DNAH5: variants seen among roughly 807,000 people sequenced by gnomAD.
The protein encoded by DNAH5 is dynein axonemal heavy chain 5, also known as axonemal beta dynein heavy chain 5.
DNAH5 carries 372 observed loss-of-function variants against 518.2 expected under a neutral mutation model. The observed-to-expected ratio is 0.72, with a 90% CI of 0.66 to 0.78. The LOEUF (loss-of-function observed/expected upper bound fraction) is 0.78, where lower values mean the gene tolerates loss of function less well. DNAH5 is among the 30% of genes least tolerant of loss of function. The probability of loss-of-function intolerance (pLI) is 0.00; values close to 1 mark genes in which losing one functional copy is unlikely to be tolerated. For missense variants in DNAH5, 5,523 were observed against 5,687.0 expected (o/e 0.97, Z 0.93); for synonymous variants, 2,039 against 2,025.9 (o/e 1.01, Z -0.17).
intron 49 of DNAH5, 70 bp from the exon 50 acceptor site, chr5:13,792,287 T>C (rs1757123817): frequency 2.9e-6 from 4 of 1,367,620 alleles, no homozygotes; most frequent in East Asian, 2.3e-5. Flanking sequence ...AAAAGCATTA[T>C]AGCATAGGGT....
At chr5:13,768,302 A>T (rs546195854) in intron 58 of DNAH5, among the ~76,000 whole-genome samples, 27 of 152,038 alleles carry the variant, frequency 1.8e-4, no homozygotes, top group African/African-American at 6.5e-4. Flanking sequence ...GTTTCCCCTG[A>T]TCTCTCTCCC....
Position 13,780,957 on chromosome 5 carries a change from G to T in DNAH5, c.8823C>A (p.Ile2941=), listed in dbSNP as rs780034079. The change falls in exon 53 of 79, where the codon ATC becomes ATA. Residue 2941 remains isoleucine, a splice_region_variant and synonymous_variant. Coordinates refer to ENST00000265104, the MANE Select transcript of DNAH5 (RefSeq NM_001369.3). ...CCTGAGGAGTACGAATGACACGAGA[G>T]ATCTGTAATATGGAACAGAAAAAGT... The part of the protein sequence containing the change: ...FADAMVHLVK[I]SRVIRTPQGN... 4.3e-6 allele frequency: 7 copies of T among 1,613,432 alleles called. No homozygotes were observed. In the South Asian group the frequency reaches 5.5e-5, roughly 13 times the overall value.
At chr5:13,995,055 T>C (rs563892390) in intron 1 of DNAH5, among the ~76,000 whole-genome samples, 1 of 152,302 alleles carries the variant, frequency 6.6e-6, no homozygotes, top group East Asian at 1.9e-4. Flanking sequence ...ACACACCACA[T>C]TGACCCTTCC....
In DNAH5 at chr5:13,729,478, T is replaced by C. The variant is rs1746203222; in HGVS notation, c.11844A>G (p.Glu3948=). The change falls in exon 69 of 79, where the codon GAA becomes GAG. Residue 3948 remains glutamate (E), a synonymous_variant. Transcript: ENST00000265104. ...ILDITWLNLV[E]LSKLRQFSDV... ...CTGAAAACTGTCTGAGTTTGCTAAG[T>C]TCCACCAAATTCAGCCATGTTATGT... 1 of 1,613,954 alleles carries C rather than the reference T, an allele frequency of 6.2e-7. No individual in the cohort carries two copies. The highest frequency in any genetic ancestry group is 1.3e-5 in the African/African-American group (1 of 74,950).
At chr5:13,951,686 T>C (rs1393636581) in intron 1 of DNAH5, among the ~76,000 whole-genome samples, 1 of 152,320 alleles carries the variant, frequency 6.6e-6, no homozygotes, top group East Asian at 1.9e-4. Context: ...TGCACCCTCC[T>C]GTGCTTGCTC....
In DNAH5 at chr5:13,845,296, CAGATAAAAACACTATGTAGAGAGTA is replaced by C. The variant is rs148297154; in HGVS notation, c.5115-328_5115-304del. On this transcript the variant is annotated intron_variant, in intron 31 of 78. Coordinates refer to ENST00000265104, the MANE Select transcript of DNAH5 (RefSeq NM_001369.3). ...ATCTTGTATATACTAGGTAGAGAGT[CAGATAAAAACACTATGTAGAGAGTA>C]AGATAAAAACACTATGTAGAGAGTA... is the stretch of plus-strand genomic sequence containing the variant. Among the ~76,000 whole-genome samples, 8 of 58,640 alleles carry C rather than the reference CAGATAAAAACACTATGTAGAGAGTA, an allele frequency of 1.4e-4. No individual in the cohort carries two copies. In the East Asian group the frequency reaches 5.2e-3, roughly 38 times the overall value. The allele number at this position is 58,640 out of a possible 152,430, so 38.5% of individuals were successfully genotyped here.
chr5:13,750,320 CA>C (rs1387133337), intron 65 of DNAH5, among the ~76,000 whole-genome samples: 1 of 152,162 alleles, frequency 6.6e-6, no homozygotes, highest in African/African-American at 2.4e-5. Context: ...GCAGTTTCAC[CA>C]TAACATTCCC....
intron 1 of DNAH5, among the ~76,000 whole-genome samples, chr5:13,966,826 C>T (rs1404933432): frequency 6.6e-6 from 1 of 152,098 alleles, no homozygotes. Flanking sequence ...CTGATTATTT[C>T]TTTTGCTATG....
intron 46 of DNAH5, among the ~76,000 whole-genome samples, chr5:13,808,497 C>A (rs1012931993): frequency 3.9e-5 from 6 of 152,116 alleles, no homozygotes; most frequent in African/African-American, 4.8e-5. Flanking sequence ...TGGGGAAAAG[C>A]AAGTCAAAAT....
At chr5:13,830,520 A>G (rs1416661726) in intron 36 of DNAH5, 77 bp downstream of exon 36, 14 of 1,540,150 alleles carry the variant, frequency 9.1e-6, no homozygotes, top group Non-Finnish European at 1.2e-5. Flanking sequence ...AATGTGGCCA[A>G]TTGTTGAAAA....
At chr5:13,828,800 A>C (rs1485376367) in intron 38 of DNAH5, among the ~76,000 whole-genome samples, 4 of 152,196 alleles carry the variant, frequency 2.6e-5, no homozygotes, top group Non-Finnish European at 4.4e-5. Context: ...TCAGAAGTAG[A>C]TTGTCCCCAT....
chr5:13,882,980 G>A lies in DNAH5; in HGVS notation c.3098C>T (p.Thr1033Ile). 1 of 1,614,120 alleles carries A rather than the reference G, an allele frequency of 6.2e-7. No individual in the cohort carries two copies. The highest frequency in any genetic ancestry group is 8.5e-7 in the Non-Finnish European group (1 of 1,180,022). The stretch of plus-strand genomic sequence containing the variant: ...GATGCACTCCACGGCTTTGTTCAGG[G>A]TCTGCTGTACATCTTCCAGGGCAGG... ...MAPALEDVQQTLNKAVECIIS... is the reference protein window; with the variant it reads ...MAPALEDVQQILNKAVECIIS... Residue 1033 changes from threonine (T) to isoleucine (I), a missense_variant, in exon 20 of 79, where the codon ACC (threonine) becomes ATC (isoleucine). Coordinates refer to ENST00000265104, the MANE Select transcript of DNAH5 (RefSeq NM_001369.3).
chr5:13,966,854 G>A (rs541914416), intron 1 of DNAH5, among the ~76,000 whole-genome samples: 2 of 152,060 alleles, frequency 1.3e-5, no homozygotes, highest in African/African-American at 4.8e-5. Context: ...ATTGTTTTTT[G>A]TTTTTTGCTT....
chr5:13,947,181 A>G (rs890994589), upstream of DNAH5, among the ~76,000 whole-genome samples: 1 of 152,228 alleles, frequency 6.6e-6, no homozygotes, highest in African/African-American at 2.4e-5. Flanking sequence ...TGTCATTTTA[A>G]AAGAAAATAA....
intron 1 of DNAH5, among the ~76,000 whole-genome samples, chr5:14,002,016 A>G (rs908953139): frequency 6.6e-6 from 1 of 151,908 alleles, no homozygotes; most frequent in Admixed American, 6.6e-5. Context: ...ATCCTGCCGC[A>G]GCCTCCTGAG....
chr5:13,836,840 G>A (rs1160378905), intron 35 of DNAH5, among the ~76,000 whole-genome samples: 3 of 152,220 alleles, frequency 2.0e-5, no homozygotes, highest in Non-Finnish European at 4.4e-5. Flanking sequence ...AAGCAGAAGA[G>A]ATAGGTAGAA....
chr5:13,798,738 TA>T lies in DNAH5; in HGVS notation c.7888-4681del, dbSNP rs1409232237. ...TGTACATTTTCATCATGATTTTATTTATTTTATTTATTTATTTATTTATTTA... is the reference window on the plus strand; with the variant it reads ...TGTACATTTTCATCATGATTTTATTTTTTTATTTATTTATTTATTTATTTA... On this transcript the variant is annotated intron_variant, in intron 47 of 78. Transcript: ENST00000265104. 1.5e-3 allele frequency among the ~76,000 whole-genome samples: 93 copies of T among 63,196 alleles called. 1 individual carries two copies. Among genetic ancestry groups the T allele is most frequent in the African/African-American group, 4.6e-3 (75 of 16,184 alleles). The allele number at this position is 63,196 out of a possible 152,430, so 41.5% of individuals were successfully genotyped here. A position where few individuals can be genotyped will look rare whatever the true frequency, so the allele number is the denominator to read the frequency against.
Position 13,885,990 on chromosome 5 carries a change from C to G in DNAH5, c.2717G>C (p.Ser906Thr), listed in dbSNP as rs540038644. 4.5e-5 allele frequency: 72 copies of G among 1,612,718 alleles called. No individual in the cohort carries two copies. In the South Asian group the frequency reaches 6.6e-4, roughly 15 times the overall value. Reference sequence around the variant, plus strand: ...TGAACTTTCATTTTTGTAATTAACACTATTCTCATTGGATATTTTTTCACT... The same window carrying G: ...TGAACTTTCATTTTTGTAATTAACAGTATTCTCATTGGATATTTTTTCACT... ...EESEKISNEN[S>T]VNYKNESSAK... Residue 906 changes from serine (S) to threonine (T), a missense_variant, in exon 18 of 79, where the codon AGT becomes ACT. Around this residue, in one of 3 missense-constraint regions of DNAH5, gnomAD observed 5,121 missense variants for 5,223.3 expected, o/e 0.98. Transcript: ENST00000265104.
At chr5:13,737,696 G>A (rs947152230) in intron 65 of DNAH5, among the ~76,000 whole-genome samples, 5 of 151,950 alleles carry the variant, frequency 3.3e-5, no homozygotes, top group Admixed American at 2.0e-4. Context: ...AGGCAGAGGC[G>A]GGTGGATCAT....
Sources: allele counts gnomAD v4.1 joint callset (sites outside exome capture counted in the v4.1 genomes callset), GRCh38; gene constraint gnomAD v4.1.1; regional missense constraint gnomAD v4.1.1; transcripts MANE v1.5; gene names NCBI Gene and HGNC (gene_info 2026-07-23, HGNC 2026-07-21).